ALAS2: variants seen among roughly 807,000 people sequenced by gnomAD.
ALAS2 encodes the protein 5-aminolevulinate synthase, erythroid-specific, mitochondrial.
Under a neutral mutation model 33.7 loss-of-function variants are expected in ALAS2, and 3 were observed. The ratio of observed to expected loss-of-function variants is 0.09; its 90% CI spans 0.04 to 0.23. ALAS2 has a LOEUF of 0.23. Ranked by LOEUF, ALAS2 falls within the 10% of genes least tolerant of loss-of-function variation. The pLI is 1.00. For synonymous variants in ALAS2, 191 were observed against 177.3 expected, an observed-to-expected ratio of 1.08 and a Z score of -0.61; for missense variants, 304 against 475.1, an observed-to-expected ratio of 0.64 and a Z score of 3.35.
intron 9 of ALAS2, among the ~76,000 whole-genome samples, chrX:55,014,195 C>A (rs1359819509): frequency 1.8e-5 from 2 of 111,930 alleles, no homozygotes; most frequent in Middle Eastern, 4.6e-3. Context: ...GCAGTAAATG[C>A]TCATATTGAG....
At chrX:55,025,070 A>G (rs1935869733) in intron 2 of ALAS2, among the ~76,000 whole-genome samples, 1 of 111,212 alleles carries the variant, frequency 9.0e-6, no homozygotes, top group Non-Finnish European at 1.9e-5. Flanking sequence ...CATGGGCTAC[A>G]GAAGTCCAGA....
chrX:55,012,226 C>T (rs1935613383), intron 10 of ALAS2, among the ~76,000 whole-genome samples: 1 of 111,980 alleles, frequency 8.9e-6, no homozygotes, highest in African/African-American at 3.2e-5. Flanking sequence ...CGTGGAATTC[C>T]CTTATTCTGG....
Position 55,015,564 on chromosome X carries a change from A to G in ALAS2, c.1168+14T>C. The G allele has an allele frequency of 8.3e-7, 1 of 1,210,516 alleles. No homozygotes were observed. Among genetic ancestry groups the G allele is most frequent in the Non-Finnish European group, 1.1e-6 (1 of 894,639 alleles). On this transcript the variant is annotated intron_variant, in intron 8 of 10. Coordinates refer to ENST00000650242, the MANE Select transcript of ALAS2 (RefSeq NM_000032.5). ...TCTGGAGGGTATATAAGAAGGCCCAAAGCATTCACTTACCAAGAGTTCCAG... is the reference window on the plus strand; with the variant it reads ...TCTGGAGGGTATATAAGAAGGCCCAGAGCATTCACTTACCAAGAGTTCCAG...
In ALAS2 at chrX:55,015,831, G is replaced by C; in HGVS notation, c.1004-89C>G. ...GGAATTTCCCATACATGCCTACTTTGGGTTGGAAAAGGGTGTTGTAGAGAG... is the reference window on the plus strand; with the variant it reads ...GGAATTTCCCATACATGCCTACTTTCGGTTGGAAAAGGGTGTTGTAGAGAG... On this transcript the variant is annotated intron_variant, in intron 7 of 10. Transcript: ENST00000650242. 2.8e-6 allele frequency: 3 copies of C among 1,077,253 alleles called. No individual in the cohort carries two copies. In the South Asian group the frequency reaches 5.8e-5, roughly 21 times the overall value. 88.8% of individuals were successfully genotyped at this position (1,077,253 alleles called of 1,213,427 possible).
intron 10 of ALAS2, among the ~76,000 whole-genome samples, chrX:55,009,935 C>T (rs191931572): frequency 1.2e-3 from 131 of 111,440 alleles, no homozygotes; most frequent in African/African-American, 4.1e-3. Flanking sequence ...CTACTGGTTT[C>T]CAATCTTGTA....
chrX:55,026,531 C>T (rs1935895401), intron 1 of ALAS2, among the ~76,000 whole-genome samples: 1 of 111,855 alleles, frequency 8.9e-6, no homozygotes, highest in African/African-American at 3.3e-5. Context: ...CTTGAGGTCA[C>T]ATGTATCAGT....
rs779247451 is a variant in ALAS2, at chrX:55,025,903, A to G, written c.98T>C (p.Phe33Ser). 1.9e-5 allele frequency: 23 copies of G among 1,209,561 alleles called. No individual in the cohort carries two copies. The African/African-American group carries it at 2.1e-4, about 11-fold the overall frequency. Reference sequence around the variant, plus strand: ...CAGGATGGGACAGCGTCCAATACCAAACAGGAACTGGTGAGTCTTAACCAC... The same window carrying G: ...CAGGATGGGACAGCGTCCAATACCAGACAGGAACTGGTGAGTCTTAACCAC... ...GKVVKTHQFL[F>S]GIGRCPILAT... The change falls in exon 2 of 11, where the codon TTT becomes TCT. Residue 33 changes from phenylalanine to serine, a missense_variant. Physicochemically the swap from Phe to Ser is radical, Grantham distance 155. Coordinates refer to ENST00000650242, the MANE Select transcript of ALAS2 (RefSeq NM_000032.5).
chrX:55,027,034 G>C (rs1035059164), intron 1 of ALAS2, among the ~76,000 whole-genome samples: 1 of 110,151 alleles, frequency 9.1e-6, no homozygotes, highest in African/African-American at 3.3e-5. Flanking sequence ...GAGCAGGGTA[G>C]AGATGAAAAC....
chrX:55,013,790 G>T, intron 9 of ALAS2, 142 bp from the exon 10 acceptor site: 1 of 674,350 alleles, frequency 1.5e-6, no homozygotes, highest in Non-Finnish European at 2.3e-6. Flanking sequence ...GGGCTTAGTG[G>T]CAGCTCCAGA....
At chrX:55,012,088 G>T (rs1002790538) in intron 10 of ALAS2, among the ~76,000 whole-genome samples, 1 of 111,888 alleles carries the variant, frequency 8.9e-6, no homozygotes, top group African/African-American at 3.3e-5. Flanking sequence ...ATTATTTAAT[G>T]TTTTTGAATG....
chrX:55,022,979 T>C (rs1027397126), intron 4 of ALAS2, among the ~76,000 whole-genome samples: 9 of 111,908 alleles, frequency 8.0e-5, no homozygotes, highest in Non-Finnish European at 1.5e-4. Context: ...TTTGAGTACA[T>C]TTGTATGTAT....
At chrX:55,011,835 G>C (rs183602019) in intron 10 of ALAS2, among the ~76,000 whole-genome samples, 4,544 of 111,628 alleles carry the variant, frequency 0.041, 208 homozygotes, top group African/African-American at 0.14. Flanking sequence ...TCAGCTCAGA[G>C]AGGTGGTAGA....
chrX:55,012,138 C>T (rs1258396846), intron 10 of ALAS2, among the ~76,000 whole-genome samples: 1 of 112,138 alleles, frequency 8.9e-6, no homozygotes, highest in African/African-American at 3.2e-5. Flanking sequence ...CTTGAATTCT[C>T]ATACTGCCCA....
chrX:55,021,795 T>G (rs924444388), intron 4 of ALAS2, among the ~76,000 whole-genome samples: 6 of 112,527 alleles, frequency 5.3e-5, no homozygotes, highest in Admixed American at 3.8e-4. Flanking sequence ...AATAGTAGTA[T>G]TATTACTGCT....
Position 55,021,225 on chromosome X carries a change from C to T in ALAS2, c.465G>A (p.Glu155=). ...YDQFFRDKIM[E]KKQDHTYRVF... is the part of the protein sequence containing the mutation. ...CACGGTAGGTGTGATCCTGTTTCTT[C>T]TCCATGATCTTGTCCCTGAAAAACT... Residue 155 remains glutamate, a synonymous_variant, in exon 5 of 11, where the codon GAG becomes GAA. Transcript: ENST00000650242. 1.7e-6 allele frequency: 2 copies of T among 1,211,931 alleles called. No homozygotes were observed. The highest frequency in any genetic ancestry group is 2.2e-6 in the Non-Finnish European group (2 of 895,434).
intron 10 of ALAS2, among the ~76,000 whole-genome samples, chrX:55,011,020 CAGCATG>C (rs1352459960): frequency 1.8e-5 from 2 of 111,239 alleles, no homozygotes; most frequent in Non-Finnish European, 3.8e-5. Flanking sequence ...CAAAAGAGAG[CAGCATG>C]AGCAAAGTCC....
intron 10 of ALAS2, among the ~76,000 whole-genome samples, chrX:55,011,992 G>A (rs1385620237): frequency 1.8e-5 from 2 of 111,971 alleles, no homozygotes; most frequent in Non-Finnish European, 3.8e-5. Flanking sequence ...TAACTCTTGA[G>A]GTTGTTGTGG....
chrX:55,018,715 T>A (rs1183593427), intron 6 of ALAS2, among the ~76,000 whole-genome samples: 1 of 111,263 alleles, frequency 9.0e-6, no homozygotes, highest in East Asian at 2.8e-4. Context: ...GAAGCTGTGA[T>A]AAGAAATTTG....
intron 2 of ALAS2, 37 bp downstream of exon 2, chrX:55,025,783 C>G (rs1167524585): frequency 8.4e-7 from 1 of 1,193,626 alleles, no homozygotes; most frequent in Admixed American, 2.2e-5. Context: ...CCCCAGGACC[C>G]TAACATTCTC....
Sources: allele counts gnomAD v4.1 joint callset (sites outside exome capture counted in the v4.1 genomes callset), GRCh38; gene constraint gnomAD v4.1.1; transcripts MANE v1.5; gene names NCBI Gene and HGNC (gene_info 2026-07-23, HGNC 2026-07-21).